Variants in CPPED1 observed in about 807,000 individuals in gnomAD.
CPPED1 encodes the protein serine/threonine-protein phosphatase CPPED1.
In CPPED1, 28 loss-of-function variants were observed where a neutral mutation model predicts 28.0. The ratio of observed to expected loss-of-function variants is 1.00; its 90% CI spans 0.74 to 1.37. The LOEUF (loss-of-function observed/expected upper bound fraction) is 1.37, where lower values mean the gene tolerates loss of function less well. Among genes scored for constraint, CPPED1 ranks in the 40% most tolerant of loss-of-function variants. The pLI, the probability that CPPED1 is intolerant of heterozygous loss-of-function variation, is 0.00. For synonymous variants in CPPED1, 198 were observed against 180.2 expected (o/e 1.10, Z -0.79); for missense variants, 504 against 416.5 (o/e 1.21, Z -1.83).
At chr16:12,787,192 T>A (rs1465721252) in intron 1 of CPPED1, among the ~76,000 whole-genome samples, 1 of 152,040 alleles carries the variant, frequency 6.6e-6, no homozygotes, top group African/African-American at 2.4e-5. Flanking sequence ...CAAATATGTG[T>A]GGAAGGAATA....
At chr16:12,751,115 G>C (rs890009988) in intron 2 of CPPED1, among the ~76,000 whole-genome samples, 5 of 152,034 alleles carry the variant, frequency 3.3e-5, no homozygotes, top group African/African-American at 4.8e-5. Flanking sequence ...AATAAGGTAT[G>C]CCTGTAATAA....
chr16:12,776,782 G>C (rs188071571), intron 2 of CPPED1, among the ~76,000 whole-genome samples: 18 of 152,236 alleles, frequency 1.2e-4, no homozygotes, highest in Non-Finnish European at 8.8e-5. Context: ...AGCCGGGTGT[G>C]GTGGTGTGTG....
chr16:12,715,808 A>T lies in CPPED1; in HGVS notation c.290-10759T>A, dbSNP rs2080104283. 2.0e-5 allele frequency among the ~76,000 whole-genome samples: 3 copies of T among 152,210 alleles called. 1 individual carries two copies. In the South Asian group the frequency reaches 6.2e-4, roughly 32 times the overall value. On this transcript the variant is annotated intron_variant, in intron 2 of 3. Transcript: ENST00000381774. ...GTCCCAAAGTGCCGGGATTACAGGCATGAGCCACCACTCTCAGCCCCAATG... is the reference window on the plus strand; with the variant it reads ...GTCCCAAAGTGCCGGGATTACAGGCTTGAGCCACCACTCTCAGCCCCAATG...
chr16:12,801,415 G>C (rs919295169), intron 1 of CPPED1, among the ~76,000 whole-genome samples: 2 of 151,802 alleles, frequency 1.3e-5, no homozygotes, highest in Admixed American at 1.3e-4. Context: ...ATAGGCGTGA[G>C]CCACCGCAGC....
intron 1 of CPPED1, among the ~76,000 whole-genome samples, chr16:12,793,211 T>C (rs9940913): frequency 0.28 from 42,864 of 152,034 alleles, 8,077 homozygotes; most frequent in African/African-American, 0.54. Context: ...ATAACTAAGT[T>C]AGTTACACAA....
chr16:12,768,499 C>T (rs1204527971), intron 2 of CPPED1, among the ~76,000 whole-genome samples: 1 of 152,168 alleles, frequency 6.6e-6, no homozygotes, highest in Non-Finnish European at 1.5e-5. Flanking sequence ...ATTAAAGGTA[C>T]AGTTTCACCA....
intron 2 of CPPED1, among the ~76,000 whole-genome samples, chr16:12,739,383 C>T (rs368402038): frequency 6.6e-5 from 10 of 152,032 alleles, no homozygotes; most frequent in East Asian, 3.9e-4. Context: ...AGTTCAAGAC[C>T]AGGTTGGCCA....
In CPPED1 at chr16:12,768,220, G is replaced by C. The variant is rs77647968; in HGVS notation, c.289+12965C>G. On this transcript the variant is annotated intron_variant, in intron 2 of 3. Transcript: ENST00000381774. ...CCTATATGAACTTTTATTTTCTTTGGTCCTGACATATTTCTTCTCTACTGT... is the reference window on the plus strand; with the variant it reads ...CCTATATGAACTTTTATTTTCTTTGCTCCTGACATATTTCTTCTCTACTGT... Among the ~76,000 whole-genome samples the C allele has an allele frequency of 6.6e-3, 1,001 of 152,124 alleles. 12 individuals are homozygous for C. The highest frequency in any genetic ancestry group is 0.023 in the African/African-American group (954 of 41,496).
intron 3 of CPPED1, among the ~76,000 whole-genome samples, chr16:12,668,428 C>T (rs2141165050): frequency 6.6e-6 from 1 of 152,196 alleles, no homozygotes; most frequent in East Asian, 1.9e-4. Flanking sequence ...TAACCTGATA[C>T]TTTGCAAGAA....
At chr16:12,759,935 T>C (rs1381461199) in intron 2 of CPPED1, among the ~76,000 whole-genome samples, 1 of 152,162 alleles carries the variant, frequency 6.6e-6, no homozygotes, top group African/African-American at 2.4e-5. Context: ...CAGAAGGGAA[T>C]ACCAAAGTAC....
chr16:12,708,021 C>T (rs995215445), intron 2 of CPPED1, among the ~76,000 whole-genome samples: 1 of 152,176 alleles, frequency 6.6e-6, no homozygotes, highest in Admixed American at 6.5e-5. Context: ...GTGGCATACA[C>T]CTGTTGTCCC....
chr16:12,745,364 T>C (rs773820213), intron 2 of CPPED1, among the ~76,000 whole-genome samples: 2 of 152,196 alleles, frequency 1.3e-5, no homozygotes, highest in Non-Finnish European at 2.9e-5. Flanking sequence ...TAAAGTCACA[T>C]GCATGCGAAT....
At position 12,663,593 on chromosome 16, in the gene CPPED1, A is replaced by G. The variant is rs375490975; in HGVS notation, c.*1293T>C. 1 of 152,218 alleles carries G rather than the reference A, an allele frequency of 6.6e-6. No homozygotes were observed. Among genetic ancestry groups the G allele is most frequent in the East Asian group, 1.9e-4 (1 of 5,202 alleles). 9.4% of individuals were successfully genotyped at this position (152,218 alleles called of 1,614,324 possible). On this transcript the variant is annotated 3_prime_UTR_variant, in exon 4 of 4. Transcript: ENST00000381774. Reference sequence around the variant, plus strand: ...CGTCTTTTGTTCCTTATGAATTTACATATTTAATTATCTTTCCATTTAATT... The same window carrying G: ...CGTCTTTTGTTCCTTATGAATTTACGTATTTAATTATCTTTCCATTTAATT...
chr16:12,762,281 A>T (rs892713208), intron 2 of CPPED1, among the ~76,000 whole-genome samples: 2 of 152,172 alleles, frequency 1.3e-5, no homozygotes, highest in Non-Finnish European at 2.9e-5. Flanking sequence ...GAGATGGTGA[A>T]TTCAATTTCT....
At chr16:12,719,539 C>T (rs944256016) in intron 2 of CPPED1, among the ~76,000 whole-genome samples, 3 of 152,146 alleles carry the variant, frequency 2.0e-5, no homozygotes, top group African/African-American at 4.8e-5. Flanking sequence ...GATGTGGTCT[C>T]CAGGAGCGAA....
chr16:12,756,064 G>A (rs1402440907), intron 2 of CPPED1, among the ~76,000 whole-genome samples: 1 of 151,880 alleles, frequency 6.6e-6, no homozygotes, highest in African/African-American at 2.4e-5. Flanking sequence ...CCAGGAGGCG[G>A]AGCTTGCAGT....
In CPPED1 at chr16:12,663,786, T is replaced by C. The variant is rs944294467; in HGVS notation, c.*1100A>G. On this transcript the variant is annotated 3_prime_UTR_variant, in exon 4 of 4. Transcript: ENST00000381774. ...CCAGGATTTGGAGTACCTAGGTTATTTGTCCACCAGAACAATGGCTGTAAA... is the reference window on the plus strand; with the variant it reads ...CCAGGATTTGGAGTACCTAGGTTATCTGTCCACCAGAACAATGGCTGTAAA... 8 of 152,186 alleles carry C rather than the reference T, an allele frequency of 5.3e-5. No individual in the cohort carries two copies. Among genetic ancestry groups the C allele is most frequent in the African/African-American group, 1.9e-4 (8 of 41,444 alleles). The allele number at this position is 152,186 out of a possible 1,614,324, so 9.4% of individuals were successfully genotyped here.
At chr16:12,780,793 A>G (rs1469567869) in intron 2 of CPPED1, among the ~76,000 whole-genome samples, 1 of 151,964 alleles carries the variant, frequency 6.6e-6, no homozygotes, top group Non-Finnish European at 1.5e-5. Flanking sequence ...GCAACAAAAA[A>G]GCACCAACAA....
chr16:12,718,246 A>C (rs2080117914), intron 2 of CPPED1, among the ~76,000 whole-genome samples: 2 of 152,204 alleles, frequency 1.3e-5, no homozygotes, highest in Non-Finnish European at 2.9e-5. Context: ...AACAATCAAA[A>C]ACTGTAGATT....
Sources: allele counts gnomAD v4.1 joint callset (sites outside exome capture counted in the v4.1 genomes callset), GRCh38; gene constraint gnomAD v4.1.1; transcripts MANE v1.5; gene names NCBI Gene and HGNC (gene_info 2026-07-23, HGNC 2026-07-21).